GRK3: variants seen among roughly 807,000 people sequenced by gnomAD.
GRK3 encodes the protein G protein-coupled receptor kinase 3, also known as adrenergic, beta, receptor kinase 2.
A neutral mutation model predicts 95.7 loss-of-function variants in GRK3; 54 were observed. That is an observed-to-expected ratio of 0.56 (90% CI 0.45 to 0.71). The LOEUF (loss-of-function observed/expected upper bound fraction) is 0.71. Among genes scored for constraint, GRK3 ranks in the 30% least tolerant of loss-of-function variants. The pLI, the probability that GRK3 is intolerant of heterozygous loss-of-function variation, is 0.00. For missense variants in GRK3, 649 were observed against 851.2 expected (o/e 0.76, Z 2.96); for synonymous variants, 281 against 290.8 (o/e 0.97, Z 0.34).
chr22:25,720,538 G>A (rs951595530), intron 19 of GRK3, among the ~76,000 whole-genome samples: 3 of 142,488 alleles, frequency 2.1e-5, no homozygotes, highest in Non-Finnish European at 4.5e-5. Flanking sequence ...GTGCAGTGGC[G>A]CGATCTTGGC....
chr22:25,626,301 G>T (rs1229378055), intron 2 of GRK3, among the ~76,000 whole-genome samples: 1 of 152,228 alleles, frequency 6.6e-6, no homozygotes, highest in Non-Finnish European at 1.5e-5. Context: ...AGGACTTGCA[G>T]ATGTTTGTGC....
At chr22:25,640,787 A>G (rs1399194665) in intron 2 of GRK3, among the ~76,000 whole-genome samples, 1 of 137,558 alleles carries the variant, frequency 7.3e-6, no homozygotes, top group Non-Finnish European at 1.6e-5. Flanking sequence ...TAAAAAGTTA[A>G]TCAATATTCA....
intron 2 of GRK3, among the ~76,000 whole-genome samples, chr22:25,626,762 G>T (rs563929175): frequency 1.3e-5 from 2 of 152,190 alleles, no homozygotes; most frequent in East Asian, 3.8e-4. Context: ...GGTCGGGGCG[G>T]CATAGCACCA....
chr22:25,654,884 G>A (rs1331541856), intron 3 of GRK3, among the ~76,000 whole-genome samples: 1 of 152,082 alleles, frequency 6.6e-6, no homozygotes, highest in Non-Finnish European at 1.5e-5. Flanking sequence ...TTGGCACATG[G>A]TGGGTCTGGC....
chr22:25,678,843 G>A lies in GRK3; in HGVS notation c.675G>A (p.Lys225=). Residue 225 remains lysine, a synonymous_variant, in exon 9 of 21, where the codon AAG becomes AAA. Transcript: ENST00000324198. ...ATGCAATGAAATGCTTAGATAAGAA[G>A]AGGATCAAAATGAAACAAGGAGAAA... The part of the protein sequence containing the change: ...KMYAMKCLDK[K]RIKMKQGETL... 1 of 1,606,606 alleles carries A rather than the reference G, an allele frequency of 6.2e-7. No individual in the cohort carries two copies. Among genetic ancestry groups the A allele is most frequent in the Non-Finnish European group, 8.5e-7 (1 of 1,175,192 alleles).
At chr22:25,711,511 A>T (rs564368968) in intron 17 of GRK3, among the ~76,000 whole-genome samples, 1 of 152,280 alleles carries the variant, frequency 6.6e-6, no homozygotes, top group South Asian at 2.1e-4. Context: ...CAATTCTTCT[A>T]AGTTTTTAGA....
intron 1 of GRK3, among the ~76,000 whole-genome samples, chr22:25,574,766 T>C (rs970652642): frequency 2.0e-5 from 3 of 152,212 alleles, no homozygotes; most frequent in African/African-American, 7.2e-5. Context: ...ATTTTCTTTG[T>C]CTTTTTTTAT....
intron 2 of GRK3, among the ~76,000 whole-genome samples, chr22:25,604,685 T>C (rs1393969675): frequency 6.6e-6 from 1 of 152,260 alleles, no homozygotes; most frequent in Non-Finnish European, 1.5e-5. Flanking sequence ...TTACATGAAC[T>C]CAGCGTTGCT....
chr22:25,664,397 T>C (rs1386251510), intron 5 of GRK3, among the ~76,000 whole-genome samples: 1 of 152,076 alleles, frequency 6.6e-6, no homozygotes, highest in African/African-American at 2.4e-5. Flanking sequence ...TTTCTATAAA[T>C]TACAAGAAAT....
At chr22:25,586,405 G>A (rs1932306020) in intron 1 of GRK3, among the ~76,000 whole-genome samples, 1 of 152,380 alleles carries the variant, frequency 6.6e-6, no homozygotes, top group Admixed American at 6.5e-5. Flanking sequence ...ATGCTGGAGG[G>A]GTTGGATACT....
At chr22:25,710,131 C>G (rs572313719) in intron 16 of GRK3, 167 bp downstream of exon 16, 2 of 670,774 alleles carry the variant, frequency 3.0e-6, no homozygotes, top group Non-Finnish European at 5.4e-6. Flanking sequence ...TCCACACTCT[C>G]TTGTTACCCG....
At chr22:25,587,945 C>G (rs540041537) in intron 1 of GRK3, among the ~76,000 whole-genome samples, 1 of 152,214 alleles carries the variant, frequency 6.6e-6, no homozygotes, top group African/African-American at 2.4e-5. Flanking sequence ...TACCCAGTCT[C>G]GGGTATGTCT....
At chr22:25,626,033 T>A (rs1223686754) in intron 2 of GRK3, among the ~76,000 whole-genome samples, 2 of 152,178 alleles carry the variant, frequency 1.3e-5, no homozygotes, top group African/African-American at 4.8e-5. Context: ...TGGGCCCAGC[T>A]GTCTTTTCTT....
intron 9 of GRK3, among the ~76,000 whole-genome samples, chr22:25,683,901 T>TA (rs1442721605): frequency 6.6e-6 from 1 of 152,256 alleles, no homozygotes; most frequent in Non-Finnish European, 1.5e-5. Flanking sequence ...TTTTTATTGT[T>TA]ACTGCCTTTT....
At chr22:25,713,992 AT>A (rs2085363723) in intron 17 of GRK3, among the ~76,000 whole-genome samples, 1 of 152,356 alleles carries the variant, frequency 6.6e-6, no homozygotes, top group South Asian at 2.1e-4. Context: ...CTTCTCCCTT[AT>A]AACTGTTTCT....
chr22:25,602,019 C>T (rs1455217347), intron 1 of GRK3, among the ~76,000 whole-genome samples: 1 of 152,174 alleles, frequency 6.6e-6, no homozygotes, highest in Non-Finnish European at 1.5e-5. Flanking sequence ...GAAGGACTCC[C>T]TGAAGAAAAT....
Position 25,722,609 on chromosome 22 carries a change from C to T in GRK3, c.*159C>T. On this transcript the variant is annotated 3_prime_UTR_variant, in exon 21 of 21. Transcript: ENST00000324198. ...GCTTGGGGTCAGCTCAGCTCCCTGC[C>T]TTGTCACATTTGTCTGCATTAGAAA... 1 of 617,732 alleles carries T rather than the reference C, an allele frequency of 1.6e-6. No homozygotes were observed. Among genetic ancestry groups the T allele is most frequent in the South Asian group, 2.5e-5 (1 of 39,632 alleles). The allele number at this position is 617,732 out of a possible 1,614,324, so 38.3% of individuals were successfully genotyped here.
intron 1 of GRK3, chr22:25,580,547 G>C (rs1288135494): frequency 6.6e-6 from 1 of 152,202 alleles, no homozygotes; most frequent in East Asian, 1.9e-4. Context: ...TTGATTGATT[G>C]ATTGGGATGG....
chr22:25,671,012 C>T (rs1015452516), intron 6 of GRK3, among the ~76,000 whole-genome samples: 5 of 149,462 alleles, frequency 3.3e-5, no homozygotes, highest in African/African-American at 9.9e-5. Context: ...TGAGATCGCG[C>T]CGCTGCACTA....
Sources: gnomAD v4.1 joint callset for allele counts (sites outside exome capture counted in the v4.1 genomes callset) on GRCh38, gnomAD v4.1.1 for gene constraint, MANE v1.5 for transcripts, NCBI Gene and HGNC (gene_info 2026-07-23, HGNC 2026-07-21) for gene names.